Variants in PABIR3 observed in about 807,000 individuals in gnomAD.
PABIR3 encodes the protein PABIR family member 3.
In PABIR3, 20 loss-of-function variants were observed where a neutral mutation model predicts 23.1. The ratio of observed to expected loss-of-function variants is 0.86; its 90% CI spans 0.61 to 1.26. PABIR3 has a LOEUF of 1.26. Among genes scored for constraint, PABIR3 ranks in the 50% most tolerant of loss-of-function variants. PABIR3 has a pLI of 0.00. For synonymous variants in PABIR3, 69 were observed against 68.5 expected, an observed-to-expected ratio of 1.01 and a Z score of -0.04; for missense variants, 189 against 195.4, an observed-to-expected ratio of 0.97 and a Z score of 0.20.
At chrX:134,850,832 T>G (rs1286681150) in intron 9 of PABIR3, among the ~76,000 whole-genome samples, 1 of 111,801 alleles carries the variant, frequency 8.9e-6, no homozygotes, top group African/African-American at 3.2e-5. Flanking sequence ...CCTTATTCCT[T>G]TGAGGTGTCC....
chrX:134,839,423 C>T (rs1305620807), intron 4 of PABIR3: 5 of 139,964 alleles, frequency 3.6e-5, no homozygotes, highest in South Asian at 1.4e-4. Flanking sequence ...GCCTGGCAAC[C>T]GCCCCGTCTG....
chrX:134,856,855 A>G (rs950245164), downstream of PABIR3, among the ~76,000 whole-genome samples: 1 of 110,503 alleles, frequency 9.0e-6, no homozygotes, highest in Non-Finnish European at 1.9e-5. Flanking sequence ...TACTAAAAAT[A>G]CAAGATACTA....
intron 3 of PABIR3, among the ~76,000 whole-genome samples, chrX:134,826,777 C>CT (rs1156558359): frequency 1.8e-5 from 2 of 110,866 alleles, no homozygotes; most frequent in East Asian, 5.6e-4. Context: ...GTTTCTTCTA[C>CT]TTTCTAGCAA....
At chrX:134,846,183 A>C (rs2082427298) in intron 6 of PABIR3, among the ~76,000 whole-genome samples, 1 of 111,468 alleles carries the variant, frequency 9.0e-6, no homozygotes, top group East Asian at 2.8e-4. Flanking sequence ...AAAGCCGTCA[A>C]ATCTCGTGAG....
chrX:134,797,825 T>G (rs1280432457), intron 1 of PABIR3, among the ~76,000 whole-genome samples: 2 of 107,767 alleles, frequency 1.9e-5, no homozygotes, highest in Non-Finnish European at 3.8e-5. Context: ...TTTTTTTTTT[T>G]TTTTTTTAAA....
chrX:134,835,878 C>CTTT (rs2081956481), intron 4 of PABIR3: 1 of 111,796 alleles, frequency 8.9e-6, no homozygotes, highest in Non-Finnish European at 1.9e-5. Context: ...CGCTCTGTTG[C>CTTT]CTAGGCTGGA....
chrX:134,836,089 C>T (rs138450499), intron 4 of PABIR3, among the ~76,000 whole-genome samples: 1,588 of 111,872 alleles, frequency 0.014, 31 homozygotes, highest in African/African-American at 0.048. Flanking sequence ...CCACCCGCCT[C>T]GGCATCCCAA....
chrX:134,852,834 T>C lies in PABIR3; in HGVS notation c.624T>C (p.Ile208=). The change falls in exon 10 of 11, where the codon ATT becomes ATC. Residue 208 remains isoleucine (I), a synonymous_variant. Transcript: ENST00000645433. The stretch of plus-strand genomic sequence containing the variant: ...CATTTCAATATCAACCAAAAAAGAT[T>C]TTCCAAGGCACAACCAACATGCTTT... ...EMAFQYQPKK[I]FQGTTNMLSS... 1 of 1,140,288 alleles carries C rather than the reference T, an allele frequency of 8.8e-7. No homozygotes were observed. The highest frequency in any genetic ancestry group is 2.0e-5 in the South Asian group (1 of 49,292). The allele number at this position is 1,140,288 out of a possible 1,213,427, so 94.0% of individuals were successfully genotyped here.
At chrX:134,857,838 A>G (rs943550306), downstream of PABIR3, among the ~76,000 whole-genome samples, 2 of 111,556 alleles carry the variant, frequency 1.8e-5, no homozygotes, top group African/African-American at 6.5e-5. Context: ...TTTAAAATTT[A>G]TAATTACTAA....
chrX:134,847,319 A>G, intron 6 of PABIR3, 64 bp from the exon 7 acceptor site: 1 of 834,926 alleles, frequency 1.2e-6, no homozygotes, highest in South Asian at 2.2e-5. Flanking sequence ...TGCAACAGGT[A>G]TCTCAAGTAT....
intron 3 of PABIR3, among the ~76,000 whole-genome samples, chrX:134,825,631 T>C (rs1190903048): frequency 9.0e-6 from 1 of 110,831 alleles, no homozygotes; most frequent in Non-Finnish European, 1.9e-5. Context: ...CAGTCTGAGT[T>C]ATGCGCCAGT....
rs183333227 is a variant in PABIR3 at position 134,809,688 on chromosome X, G to A, written c.110+1980G>A. On this transcript the variant is annotated intron_variant, in intron 2 of 10. Transcript: ENST00000645433. ...TTCAGAGACCAGCTTTACCCTCCTT[G>A]TTTAACATATGAGGAAACTGAGGCC... 681 of 702,585 alleles carry A rather than the reference G, an allele frequency of 9.7e-4. 9 individuals are homozygous for A. The African/African-American group carries it at 0.015, about 16-fold the overall frequency. 57.9% of individuals were successfully genotyped at this position (702,585 alleles called of 1,213,427 possible). A position where few individuals can be genotyped will look rare whatever the true frequency, so the allele number is the denominator to read the frequency against.
chrX:134,828,872 A>C (rs115316576), intron 3 of PABIR3, among the ~76,000 whole-genome samples: 1,387 of 111,446 alleles, frequency 0.012, 22 homozygotes, highest in African/African-American at 0.044. Flanking sequence ...TAATACCTCT[A>C]CCTAAGCTTT....
chrX:134,832,106 C>T (rs1375045188), intron 4 of PABIR3, among the ~76,000 whole-genome samples: 1 of 109,897 alleles, frequency 9.1e-6, no homozygotes, highest in African/African-American at 3.3e-5. Flanking sequence ...GGTGAAACCC[C>T]GTCTCTACCA....
chrX:134,819,143 G>A (rs1603196718), intron 3 of PABIR3, among the ~76,000 whole-genome samples: 1 of 108,536 alleles, frequency 9.2e-6, no homozygotes, highest in East Asian at 2.9e-4. Context: ...CACCATATTG[G>A]CCAGGCTGGT....
chrX:134,799,526 C>T (rs1319006203), intron 1 of PABIR3, among the ~76,000 whole-genome samples: 1 of 112,528 alleles, frequency 8.9e-6, no homozygotes, highest in Non-Finnish European at 1.9e-5. Context: ...CATAACTTCT[C>T]CTTTGCGAAC....
At chrX:134,827,339 C>T (rs368554983) in intron 3 of PABIR3, among the ~76,000 whole-genome samples, 46 of 111,269 alleles carry the variant, frequency 4.1e-4, no homozygotes, top group African/African-American at 1.4e-3. Context: ...TTCATGGCCA[C>T]ACTCCATCTA....
At chrX:134,803,771 A>G (rs889825175), upstream of PABIR3, among the ~76,000 whole-genome samples, 5 of 112,023 alleles carry the variant, frequency 4.5e-5, no homozygotes, top group African/African-American at 1.6e-4. Context: ...TGTTCACAAT[A>G]GCTACTAAAC....
intron 4 of PABIR3, among the ~76,000 whole-genome samples, chrX:134,837,350 C>CA (rs1284225377): frequency 2.7e-4 from 28 of 102,466 alleles, no homozygotes; most frequent in East Asian, 6.0e-4. Flanking sequence ...ACTCCTTCTC[C>CA]AAAAAAAAAA....
Sources: allele counts gnomAD v4.1 joint callset (sites outside exome capture counted in the v4.1 genomes callset), GRCh38; gene constraint gnomAD v4.1.1; transcripts MANE v1.5; gene names NCBI Gene and HGNC (gene_info 2026-07-23, HGNC 2026-07-21).